HDAC9: variants seen among roughly 807,000 people sequenced by gnomAD.
HDAC9 encodes histone deacetylase 9.
HDAC9 carries 41 observed loss-of-function variants against 139.4 expected under a neutral mutation model. The ratio of observed to expected loss-of-function variants is 0.29; its 90% CI spans 0.23 to 0.38. The LOEUF (loss-of-function observed/expected upper bound fraction) is 0.38, where lower values mean the gene tolerates loss of function less well. Among genes scored for constraint, HDAC9 ranks in the 10% least tolerant of loss-of-function variants. The pLI, the probability that HDAC9 is intolerant of heterozygous loss-of-function variation, is 1.00. For synonymous variants in HDAC9, 517 were observed against 476.2 expected (o/e 1.09, Z -1.12); for missense variants, 1,147 against 1,297.0 (o/e 0.88, Z 1.78).
At chr7:18,106,234 G>C (rs1783193998) in intron 1 of HDAC9, among the ~76,000 whole-genome samples, 1 of 152,176 alleles carries the variant, frequency 6.6e-6, no homozygotes, top group Non-Finnish European at 1.5e-5. Flanking sequence ...CTCAGAAAAA[G>C]TCAGGGAACG....
intron 1 of HDAC9, among the ~76,000 whole-genome samples, chr7:18,296,351 G>A (rs1798146523): frequency 6.6e-6 from 1 of 151,920 alleles, no homozygotes; most frequent in Admixed American, 6.6e-5. Context: ...CTTTAAACCT[G>A]TAAAGATCTA....
chr7:18,934,262 C>T (rs965693707), intron 22 of HDAC9, among the ~76,000 whole-genome samples: 1 of 151,750 alleles, frequency 6.6e-6, no homozygotes, highest in Non-Finnish European at 1.5e-5. Context: ...CGAGATTTGT[C>T]CCCAACATTC....
chr7:18,427,004 C>G (rs1190411714), intron 1 of HDAC9, among the ~76,000 whole-genome samples: 2 of 151,980 alleles, frequency 1.3e-5, no homozygotes, highest in African/African-American at 4.8e-5. Context: ...GAAAGTAGCT[C>G]TGAATGATGA....
At chr7:18,919,381 C>T (rs1303270275) in intron 22 of HDAC9, among the ~76,000 whole-genome samples, 1 of 151,920 alleles carries the variant, frequency 6.6e-6, no homozygotes. Context: ...AGAGCCAGGA[C>T]ACAAGTCCAC....
chr7:18,432,098 T>C (rs1195612842), intron 1 of HDAC9, among the ~76,000 whole-genome samples: 3 of 152,236 alleles, frequency 2.0e-5, no homozygotes, highest in South Asian at 2.1e-4. Context: ...AATTCAATCA[T>C]GGCTTTCAAA....
At chr7:18,538,161 T>C (rs1811504837) in intron 2 of HDAC9, among the ~76,000 whole-genome samples, 1 of 152,214 alleles carries the variant, frequency 6.6e-6, no homozygotes, top group Non-Finnish European at 1.5e-5. Flanking sequence ...TTTCTGGTCA[T>C]GCATTAACTT....
At chr7:18,551,514 A>T (rs78696936) in intron 2 of HDAC9, among the ~76,000 whole-genome samples, 2,915 of 152,284 alleles carry the variant, frequency 0.019, 101 homozygotes, top group African/African-American at 0.066. Flanking sequence ...AGAAGCAACT[A>T]GTGAGATAGA....
At position 18,418,739 on chromosome 7, in the gene HDAC9, A is replaced by AATATGATAG. The variant is rs559756577; in HGVS notation, c.-41-77522_-41-77514dup. On this transcript the variant is annotated intron_variant, in intron 1 of 3. Transcript: ENST00000413509. The stretch of plus-strand genomic sequence containing the variant: ...TGATGAATCGTAAGAATTTTTTTTT[A>AATATGATAG]ATATGATAGCTGATGGATTATAAGA... 6.2e-3 allele frequency among the ~76,000 whole-genome samples: 937 copies of AATATGATAG among 152,196 alleles called. 10 individuals are homozygous for AATATGATAG. Among genetic ancestry groups the AATATGATAG allele is most frequent in the African/African-American group, 0.022 (902 of 41,536 alleles).
In HDAC9 at chr7:18,558,621, C is replaced by T. The variant is rs563022937; in HGVS notation, c.23-26660C>T. 2.6e-5 allele frequency among the ~76,000 whole-genome samples: 4 copies of T among 152,220 alleles called. No individual in the cohort carries two copies. In the South Asian group the frequency reaches 6.2e-4, roughly 24 times the overall value. The stretch of plus-strand genomic sequence containing the variant: ...TGAATATATGGGTTTTGTAGGATAC[C>T]ACCAGAAAACCAACTTTAATTGCTT... On this transcript the variant is annotated intron_variant, in intron 2 of 25. Transcript: ENST00000686413.
At chr7:18,812,634 C>G (rs1354818667) in intron 17 of HDAC9, among the ~76,000 whole-genome samples, 3 of 151,382 alleles carry the variant, frequency 2.0e-5, no homozygotes, top group African/African-American at 7.3e-5. Context: ...GGTAGAATTC[C>G]TCTTTTTTTT....
At chr7:18,728,110 C>T (rs1022077599) in intron 13 of HDAC9, among the ~76,000 whole-genome samples, 3 of 152,108 alleles carry the variant, frequency 2.0e-5, no homozygotes, top group Admixed American at 2.0e-4. Flanking sequence ...GCTTGGCTTC[C>T]TCATTTGACT....
At chr7:18,809,190 C>G in intron 17 of HDAC9, among the ~76,000 whole-genome samples, 1 of 151,954 alleles carries the variant, frequency 6.6e-6, no homozygotes, top group East Asian at 1.9e-4. Flanking sequence ...AAATTTAACT[C>G]AAAATCTATT....
At chr7:18,764,098 G>A (rs1280563088) in intron 15 of HDAC9, among the ~76,000 whole-genome samples, 4 of 151,952 alleles carry the variant, frequency 2.6e-5, no homozygotes, top group Admixed American at 6.6e-5. Context: ...AATATTTGAT[G>A]TGCATATCAT....
chr7:18,474,469 G>T (rs1489841984), intron 1 of HDAC9, among the ~76,000 whole-genome samples: 1 of 152,150 alleles, frequency 6.6e-6, no homozygotes, highest in Non-Finnish European at 1.5e-5. Flanking sequence ...GATATCCAGG[G>T]AAACAAAGCA....
intron 2 of HDAC9, among the ~76,000 whole-genome samples, chr7:18,189,757 A>G (rs1208479697): frequency 2.0e-5 from 3 of 152,178 alleles, no homozygotes; most frequent in African/African-American, 7.2e-5. Flanking sequence ...TTTCTCACGC[A>G]TTACTGAGGT....
At chr7:18,302,412 G>C (rs1438687478) in intron 1 of HDAC9, among the ~76,000 whole-genome samples, 2 of 152,170 alleles carry the variant, frequency 1.3e-5, no homozygotes, top group African/African-American at 4.8e-5. Flanking sequence ...GGTGTGGCTG[G>C]ATATGAGGGT....
At chr7:18,124,613 G>A (rs562490365) in intron 1 of HDAC9, among the ~76,000 whole-genome samples, 4 of 152,258 alleles carry the variant, frequency 2.6e-5, no homozygotes, top group East Asian at 1.9e-4. Flanking sequence ...GTGTGCACCC[G>A]TGAGGCCTTC....
At chr7:18,871,599 C>G (rs984195056) in intron 21 of HDAC9, among the ~76,000 whole-genome samples, 1 of 152,116 alleles carries the variant, frequency 6.6e-6, no homozygotes, top group African/African-American at 2.4e-5. Context: ...TCTTTGTTTG[C>G]TAACTTTAAT....
intron 2 of HDAC9, among the ~76,000 whole-genome samples, chr7:18,528,288 C>T (rs945297357): frequency 1.3e-5 from 2 of 149,760 alleles, no homozygotes; most frequent in African/African-American, 4.9e-5. Context: ...AATTAATTTG[C>T]TTATTTTTCA....
Sources: allele counts gnomAD v4.1 joint callset (sites outside exome capture counted in the v4.1 genomes callset), GRCh38; gene constraint gnomAD v4.1.1; transcripts MANE v1.5; gene names NCBI Gene and HGNC (gene_info 2026-07-23, HGNC 2026-07-21).